SMARCA4: variants seen among roughly 807,000 people sequenced by gnomAD.
The protein encoded by SMARCA4 is SWI/SNF related BAF chromatin remodeling complex subunit ATPase 4, also known as SWI/SNF-related matrix-associated actin-dependent regulator of chromatin subfamily A member 4.
In SMARCA4, 31 loss-of-function variants were observed where a neutral mutation model predicts 193.9. The ratio of observed to expected loss-of-function variants is 0.16; its 90% CI spans 0.12 to 0.22. The LOEUF is 0.22. Among genes scored for constraint, SMARCA4 ranks in the 10% least tolerant of loss-of-function variants. The pLI, the probability that SMARCA4 is intolerant of heterozygous loss-of-function variation, is 1.00. For synonymous variants in SMARCA4, 942 were observed against 933.1 expected, an observed-to-expected ratio of 1.01 and a Z score of -0.17; for missense variants, 1,148 against 2,296.0, an observed-to-expected ratio of 0.50 and a Z score of 10.22.
At chr19:10,995,038 T>A (rs1307776590) in intron 9 of SMARCA4, 37 bp downstream of exon 9, 2 of 1,570,270 alleles carry the variant, frequency 1.3e-6, no homozygotes, top group South Asian at 2.3e-5. Flanking sequence ...CTCTTCTACA[T>A]GTGTAGCTGG....
chr19:11,023,392 G>A (rs757912957), intron 19 of SMARCA4, 126 bp from the exon 20 acceptor site: 5 of 705,260 alleles, frequency 7.1e-6, no homozygotes, highest in Admixed American at 6.1e-5. Flanking sequence ...GAAAAGCCAC[G>A]TGCCAAGGGC....
At chr19:11,055,262 T>C (rs2076477172) in intron 30 of SMARCA4, among the ~76,000 whole-genome samples, 1 of 152,176 alleles carries the variant, frequency 6.6e-6, no homozygotes, top group Non-Finnish European at 1.5e-5. Flanking sequence ...CGATCTCGGC[T>C]CACTGCAACC....
intron 1 of SMARCA4, among the ~76,000 whole-genome samples, chr19:10,966,520 G>T (rs1435380499): frequency 2.6e-5 from 4 of 152,094 alleles, no homozygotes; most frequent in Non-Finnish European, 5.9e-5. Context: ...CCGAGGAGGT[G>T]GAGGCTGCAG....
At chr19:10,981,772 A>G (rs2085568926) in intron 1 of SMARCA4, among the ~76,000 whole-genome samples, 1 of 152,006 alleles carries the variant, frequency 6.6e-6, no homozygotes, top group African/African-American at 2.4e-5. Context: ...GCCAGGATCA[A>G]CAAGTGTTTG....
At chr19:11,015,663 C>T (rs933907469) in intron 16 of SMARCA4, among the ~76,000 whole-genome samples, 2 of 152,170 alleles carry the variant, frequency 1.3e-5, no homozygotes, top group Admixed American at 6.5e-5. Context: ...AGCATCTCTT[C>T]TACTCCATTT....
rs1164626701 is a variant in SMARCA4, at chr19:11,058,895, G to C, written c.4635+6G>C. 6.2e-7 allele frequency: 1 copy of C among 1,611,228 alleles called. No homozygotes were observed. Among genetic ancestry groups the C allele is most frequent in the Non-Finnish European group, 8.5e-7 (1 of 1,177,622 alleles). On this transcript the variant is annotated splice_donor_region_variant and intron_variant, in intron 32 of 34. Coordinates refer to ENST00000344626, the MANE Select transcript of SMARCA4 (RefSeq NM_003072.5). This position sits in a 1 kb window ranked among gnomAD's most constrained non-coding sequence, Gnocchi z 5.8. Reference sequence around the variant, plus strand: ...TCAACCTGGAGGGCTCCCTGGTGAGGGCACCGCTGGGGGTTGGGGATGGGC... The same window carrying C: ...TCAACCTGGAGGGCTCCCTGGTGAGCGCACCGCTGGGGGTTGGGGATGGGC...
At chr19:11,022,587 G>T (rs1469529963) in intron 19 of SMARCA4, among the ~76,000 whole-genome samples, 2 of 152,198 alleles carry the variant, frequency 1.3e-5, no homozygotes, top group East Asian at 3.8e-4. Context: ...CTGCTGAGGG[G>T]TTTAAGTAAC....
intron 1 of SMARCA4, among the ~76,000 whole-genome samples, chr19:10,973,013 G>A (rs1031967524): frequency 6.6e-5 from 10 of 152,058 alleles, no homozygotes; most frequent in Non-Finnish European, 1.5e-4. Flanking sequence ...GGAGGCCGGG[G>A]CAGGAGAATT....
intron 30 of SMARCA4, among the ~76,000 whole-genome samples, chr19:11,056,677 G>C (rs1042861917): frequency 6.6e-6 from 1 of 152,182 alleles, no homozygotes; most frequent in African/African-American, 2.4e-5. Flanking sequence ...TGCAGGGACA[G>C]GATTCTGGCT....
In SMARCA4 at chr19:11,037,328, C is replaced by T. The variant is rs964792861; in HGVS notation, c.4170+2196C>T. Among the ~76,000 whole-genome samples, 8 of 152,138 alleles carry T rather than the reference C, an allele frequency of 5.3e-5. 1 individual carries two copies. The South Asian group carries it at 1.5e-3, about 28-fold the overall frequency. Reference sequence around the variant, plus strand: ...ACATCCTCAGCAACCCTTGCTGTTCCCTCGCCCGCTGATTCTAGCCATCCC... The same window carrying T: ...ACATCCTCAGCAACCCTTGCTGTTCTCTCGCCCGCTGATTCTAGCCATCCC... On this transcript the variant is annotated intron_variant, in intron 29 of 34. Coordinates refer to ENST00000344626, the MANE Select transcript of SMARCA4 (RefSeq NM_003072.5).
chr19:11,015,572 T>C (rs887100175), intron 16 of SMARCA4, among the ~76,000 whole-genome samples: 3 of 152,202 alleles, frequency 2.0e-5, no homozygotes, highest in African/African-American at 7.2e-5. Flanking sequence ...AGTTACACTT[T>C]CCGTTAATAA....
chr19:10,981,834 A>G (rs1022346127), intron 1 of SMARCA4, among the ~76,000 whole-genome samples: 3 of 152,008 alleles, frequency 2.0e-5, no homozygotes, highest in Non-Finnish European at 2.9e-5. Flanking sequence ...AAAAATTAAG[A>G]AAAATTAGCC....
At chr19:11,004,807 C>G (rs961338771) in intron 13 of SMARCA4, among the ~76,000 whole-genome samples, 2 of 149,836 alleles carry the variant, frequency 1.3e-5, no homozygotes, top group East Asian at 1.9e-4. Flanking sequence ...CTTTTGTGTT[C>G]AATGTTTTTT....
chr19:11,049,519 C>G (rs1347358159), intron 30 of SMARCA4, among the ~76,000 whole-genome samples: 1 of 147,386 alleles, frequency 6.8e-6, no homozygotes, highest in African/African-American at 2.5e-5. Flanking sequence ...GAGTCTTGCT[C>G]TGTAGCCCAG....
In SMARCA4 at chr19:11,060,324, G is replaced by A. The variant is rs891105055; in HGVS notation, c.4911+137G>A. ...GAAAGCTGAGGCTTGACCTGCCATG[G>A]CTGACCCCAGGTCACACAGCCAGTA... On this transcript the variant is annotated intron_variant, in intron 34 of 34. Transcript: ENST00000344626. 1.5e-5 allele frequency: 17 copies of A among 1,105,702 alleles called. No individual in the cohort carries two copies. The South Asian group carries it at 2.1e-4, about 13-fold the overall frequency. 68.5% of individuals were successfully genotyped at this position (1,105,702 alleles called of 1,614,324 possible).
intron 30 of SMARCA4, among the ~76,000 whole-genome samples, chr19:11,050,761 T>A (rs1311035149): frequency 1.3e-5 from 2 of 152,242 alleles, no homozygotes; most frequent in African/African-American, 4.8e-5. Context: ...TGAAAGTGTT[T>A]GTCACACTCC....
At chr19:11,053,446 C>T (rs555489785) in intron 30 of SMARCA4, among the ~76,000 whole-genome samples, 19 of 134,040 alleles carry the variant, frequency 1.4e-4, no homozygotes, top group Middle Eastern at 3.8e-3. Context: ...AGTGAGACTC[C>T]GTCTCAAAAA....
At position 10,984,913 on chromosome 19, in the gene SMARCA4, CATA is replaced by C. The variant is rs1429806340; in HGVS notation, c.223-359_223-357del. ...CATGTCCCTGGATGTGGTTAGAGGA[CATA>C]TTCCCTTATACATACAGCATCTGAA... On this transcript the variant is annotated intron_variant, in intron 2 of 34. Transcript: ENST00000344626. This position sits in a 1 kb window ranked among gnomAD's most constrained non-coding sequence, Gnocchi z 4.3. Among the ~76,000 whole-genome samples, 1 of 152,158 alleles carries C rather than the reference CATA, an allele frequency of 6.6e-6. No individual in the cohort carries two copies. Among genetic ancestry groups the C allele is most frequent in the Non-Finnish European group, 1.5e-5 (1 of 68,036 alleles).
At chr19:10,969,123 C>T (rs562545857) in intron 1 of SMARCA4, among the ~76,000 whole-genome samples, 3 of 152,286 alleles carry the variant, frequency 2.0e-5, no homozygotes, top group South Asian at 2.1e-4. Flanking sequence ...CTCAGAATTC[C>T]GTTTTCCTCT....
Sources: gnomAD v4.1 joint callset for allele counts (sites outside exome capture counted in the v4.1 genomes callset) on GRCh38, gnomAD v4.1.1 for gene constraint, Gnocchi (gnomAD v3.1) non-coding constraint, MANE v1.5 for transcripts, NCBI Gene and HGNC (gene_info 2026-07-23, HGNC 2026-07-21) for gene names.